CCDC33: variants seen among roughly 807,000 people sequenced by gnomAD.
CCDC33 encodes coiled-coil domain containing 33, also known as coiled-coil domain-containing protein 33.
In CCDC33, 94 loss-of-function variants were observed where a neutral mutation model predicts 91.9. That is an observed-to-expected ratio of 1.02 (90% CI 0.87 to 1.21). CCDC33 has a LOEUF of 1.21. CCDC33 is among the 50% of genes most tolerant of loss of function. CCDC33 has a pLI of 0.00. For missense variants in CCDC33, 940 were observed against 935.5 expected (o/e 1.00, Z -0.06); for synonymous variants, 396 against 374.5 (o/e 1.06, Z -0.66).
chr15:74,334,604 G>T (rs777298902), intron 17 of CCDC33, among the ~76,000 whole-genome samples: 9 of 151,996 alleles, frequency 5.9e-5, no homozygotes, highest in Non-Finnish European at 1.2e-4. Flanking sequence ...CGAGGTTAGG[G>T]TTCTGTGTAT....
chr15:74,281,642 C>T lies in CCDC33; in HGVS notation c.1024-136C>T, dbSNP rs1252199053. On this transcript the variant is annotated intron_variant, in intron 9 of 18. Transcript: ENST00000398814. ...GTTTGCGAGGGCAAAAGCAGGAGGC[C>T]AGCTCCCACCTCCCTCCCACCCTCC... 4 of 748,474 alleles carry T rather than the reference C, an allele frequency of 5.3e-6. No homozygotes were observed. The African/African-American group carries it at 6.9e-5, about 13-fold the overall frequency. 46.4% of individuals were successfully genotyped at this position (748,474 alleles called of 1,614,324 possible). A position where few individuals can be genotyped will look rare whatever the true frequency, so the allele number is the denominator to read the frequency against.
upstream of CCDC33, among the ~76,000 whole-genome samples, chr15:74,233,245 C>CG (rs1358790749): frequency 4.6e-5 from 7 of 152,330 alleles, no homozygotes; most frequent in African/African-American, 1.4e-4. Flanking sequence ...GAGGCAGGGG[C>CG]GTGGGACCAG....
At chr15:74,253,542 T>C (rs2075773257) in intron 2 of CCDC33, among the ~76,000 whole-genome samples, 1 of 152,118 alleles carries the variant, frequency 6.6e-6, no homozygotes, top group South Asian at 2.1e-4. Context: ...CCCCCCCTCC[T>C]TCTCTGAGGC....
At chr15:74,217,094 A>T (rs1419965520), upstream of CCDC33, 2 of 310,888 alleles carry the variant, frequency 6.4e-6, no homozygotes, top group African/African-American at 4.4e-5. Flanking sequence ...TCGATGGAAA[A>T]AAACTTCCCT....
chr15:74,227,777 G>A (rs1048005936), intron 2 of CCDC33, among the ~76,000 whole-genome samples: 8 of 152,180 alleles, frequency 5.3e-5, no homozygotes, highest in African/African-American at 1.7e-4. Flanking sequence ...CTTGCAATAG[G>A]TGTTCCTGAG....
chr15:74,212,798 A>G (rs1224176119), upstream of CCDC33: 1 of 152,134 alleles, frequency 6.6e-6, no homozygotes, highest in African/African-American at 2.4e-5. Context: ...GGACATAGAA[A>G]AGAGAATCCC....
chr15:74,250,353 T>TC (rs1255569584), intron 2 of CCDC33, among the ~76,000 whole-genome samples: 1 of 151,968 alleles, frequency 6.6e-6, no homozygotes, highest in Non-Finnish European at 1.5e-5. Context: ...CCCCTCCAGC[T>TC]CCCCAGCAAC....
At chr15:74,203,762 T>C (rs114463584) in intron 1 of CCDC33, among the ~76,000 whole-genome samples, 193 of 152,258 alleles carry the variant, frequency 1.3e-3, no homozygotes, top group African/African-American at 4.6e-3. Flanking sequence ...GAATCACAGG[T>C]TGAGCTGGTC....
chr15:74,261,844 C>A (rs2076032944), intron 2 of CCDC33, among the ~76,000 whole-genome samples: 1 of 152,220 alleles, frequency 6.6e-6, no homozygotes, highest in Non-Finnish European at 1.5e-5. Flanking sequence ...CTGGACCCAG[C>A]TCCAGGTTTC....
At chr15:74,292,990 T>G (rs764355245) in intron 10 of CCDC33, among the ~76,000 whole-genome samples, 1 of 152,186 alleles carries the variant, frequency 6.6e-6, no homozygotes, top group Non-Finnish European at 1.5e-5. Context: ...ATGGTAAATT[T>G]CAGAATCCAC....
At chr15:74,208,402 G>A (rs898003187) in intron 1 of CCDC33, among the ~76,000 whole-genome samples, 2 of 152,114 alleles carry the variant, frequency 1.3e-5, no homozygotes, top group African/African-American at 2.4e-5. Flanking sequence ...CCGTGGTGTG[G>A]CCTTGAGATG....
intron 11 of CCDC33, chr15:74,299,355 T>C (rs2279375): frequency 0.096 from 14,605 of 152,354 alleles, 1,020 homozygotes; most frequent in African/African-American, 0.2. Context: ...CACCATCCAG[T>C]CCTTGAACTA....
chr15:74,319,840 C>T (rs2060170384), intron 11 of CCDC33, among the ~76,000 whole-genome samples: 1 of 152,200 alleles, frequency 6.6e-6, no homozygotes, highest in African/African-American at 2.4e-5. Flanking sequence ...AGCTGCCGGC[C>T]AAGGCCCTGC....
chr15:74,327,562 G>A (rs1415543464), intron 11 of CCDC33, among the ~76,000 whole-genome samples: 8 of 152,192 alleles, frequency 5.3e-5, no homozygotes. Flanking sequence ...TTGAACCTGG[G>A]AGGCAGAGTT....
chr15:74,280,703 C>A lies in CCDC33; in HGVS notation c.925C>A (p.Leu309Met). ...GSQPWTLNQP[L>M]GISVLPLKSR... is the part of the protein sequence containing the mutation. ...CCAGCCGTGGACCCTCAACCAGCCC[C>A]TGGGCATCTCTGTGTTGCCGCTAAA... Residue 309 changes from leucine to methionine, a missense_variant, in exon 9 of 19, where the codon CTG becomes ATG. Leu to Met is a conservative substitution (Grantham distance 15, BLOSUM62 2). Coordinates refer to ENST00000398814, the MANE Select transcript of CCDC33 (RefSeq NM_025055.5). 6.5e-7 allele frequency: 1 copy of A among 1,549,738 alleles called. No homozygotes were observed. Among genetic ancestry groups the A allele is most frequent in the Admixed American group, 1.9e-5 (1 of 51,584 alleles).
intron 2 of CCDC33, among the ~76,000 whole-genome samples, chr15:74,246,173 T>C (rs2075523281): frequency 6.6e-6 from 1 of 152,236 alleles, no homozygotes; most frequent in Admixed American, 6.5e-5. Flanking sequence ...TTTTTAAAAA[T>C]ATGTATTTGT....
chr15:74,291,807 C>A (rs1488251011), intron 10 of CCDC33, among the ~76,000 whole-genome samples: 1 of 152,228 alleles, frequency 6.6e-6, no homozygotes, highest in Non-Finnish European at 1.5e-5. Flanking sequence ...ACCTAAGAAG[C>A]CTCAAGCCTG....
chr15:74,295,606 G>A, intron 10 of CCDC33, 148 bp from the exon 11 acceptor site: 2 of 587,832 alleles, frequency 3.4e-6, no homozygotes, highest in South Asian at 5.4e-5. Context: ...TGAGCAAGGG[G>A]CAGATGGTAG....
chr15:74,332,840 C>T lies in CCDC33; in HGVS notation c.1933C>T (p.Leu645=). ...CCCCATCATTCTGCAGCAACAGGCC[C>T]TGCCGGTAAGAGGCCCTTGACCTGG... ...QAPIILQQQA[L]PDLLSGTSDK... The change falls in exon 16 of 19, where the codon CTG becomes TTG. Residue 645 remains leucine (L), a synonymous_variant. Coordinates refer to ENST00000398814, the MANE Select transcript of CCDC33 (RefSeq NM_025055.5). 1 of 1,613,940 alleles carries T rather than the reference C, an allele frequency of 6.2e-7. No homozygotes were observed. Among genetic ancestry groups the T allele is most frequent in the Non-Finnish European group, 8.5e-7 (1 of 1,179,882 alleles).
Sources: gnomAD v4.1 joint callset for allele counts (sites outside exome capture counted in the v4.1 genomes callset) on GRCh38, gnomAD v4.1.1 for gene constraint, MANE v1.5 for transcripts, NCBI Gene and HGNC (gene_info 2026-07-23, HGNC 2026-07-21) for gene names.